The following SSBP4 variants were observed in gnomAD, a reference collection of about 807,000 sequenced individuals.
The protein encoded by SSBP4 is single stranded DNA binding protein 4.
A neutral mutation model predicts 64.6 loss-of-function variants in SSBP4; 33 were observed. The observed-to-expected ratio is 0.51, with a 90% CI of 0.39 to 0.68. SSBP4 has a LOEUF of 0.68. Ranked by LOEUF, SSBP4 falls within the 30% of genes least tolerant of loss-of-function variation. The probability of loss-of-function intolerance (pLI) is 0.00; values close to 1 mark genes in which losing one functional copy is unlikely to be tolerated. For missense variants in SSBP4, 583 were observed against 566.8 expected (o/e 1.03, Z -0.29); for synonymous variants, 243 against 224.0 (o/e 1.08, Z -0.76).
At position 18,426,013 on chromosome 19, in the gene SSBP4, G is replaced by C. The variant is rs1440721468; in HGVS notation, c.60-1338G>C. ...CTTCATGGATGCTGGAGGAACTAAT[G>C]AAGAAGTGAATGAACGAAGGAGGGG... is the stretch of plus-strand genomic sequence containing the variant. On this transcript the variant is annotated intron_variant, in intron 1 of 17. Coordinates refer to ENST00000270061, the MANE Select transcript of SSBP4 (RefSeq NM_032627.5). This position sits in a 1 kb window ranked among gnomAD's most constrained non-coding sequence, Gnocchi z 4.5. 3.3e-5 allele frequency: 5 copies of C among 152,436 alleles called. No homozygotes were observed. Among genetic ancestry groups the C allele is most frequent in the Non-Finnish European group, 5.9e-5 (4 of 68,166 alleles). 9.4% of individuals were successfully genotyped at this position (152,436 alleles called of 1,614,324 possible). A position where few individuals can be genotyped will look rare whatever the true frequency, so the allele number is the denominator to read the frequency against.
intron 17 of SSBP4, 156 bp downstream of exon 17, chr19:18,433,973 TCTCCCCA>T: frequency 2.6e-6 from 3 of 1,161,682 alleles, no homozygotes; most frequent in Non-Finnish European, 3.2e-6. Context: ...CTCCTCAACC[TCTCCCCA>T]CCCCCCACCA....
intron 5 of SSBP4, among the ~76,000 whole-genome samples, 163 bp downstream of exon 5, chr19:18,431,093 A>G (rs899153686): frequency 1.3e-5 from 2 of 152,186 alleles, no homozygotes; most frequent in African/African-American, 2.4e-5. Context: ...TTCAGGGGCC[A>G]GCGAGGGAGG....
intron 1 of SSBP4, among the ~76,000 whole-genome samples, chr19:18,420,508 G>T (rs574931765): frequency 2.6e-5 from 4 of 152,086 alleles, no homozygotes; most frequent in Non-Finnish European, 5.9e-5. Flanking sequence ...CATTTGAAAG[G>T]TGCTTGGAGC....
Position 18,427,629 on chromosome 19 carries a change from C to T in SSBP4, c.133-123C>T. The stretch of plus-strand genomic sequence containing the variant: ...GACCTGCCACACATCCTGGGGCCCT[C>T]TGCCCACCCTGTTACCCTTCCCTCC... On this transcript the variant is annotated intron_variant, in intron 2 of 17. Transcript: ENST00000270061. This position sits in a 1 kb window ranked among gnomAD's most constrained non-coding sequence, Gnocchi z 4.4. The T allele has an allele frequency of 7.8e-7, 1 of 1,276,382 alleles. No individual in the cohort carries two copies. The highest frequency in any genetic ancestry group is 1.1e-6 in the Non-Finnish European group (1 of 938,656). The allele number at this position is 1,276,382 out of a possible 1,614,324, so 79.1% of individuals were successfully genotyped here.
intron 13 of SSBP4, 22 bp downstream of exon 13, chr19:18,432,905 G>T: frequency 1.2e-6 from 2 of 1,614,032 alleles, no homozygotes; most frequent in Non-Finnish European, 1.7e-6. Context: ...TAAGAGGTGG[G>T]GGTGTGCTAG....
the SSBP4 span, among the ~76,000 whole-genome samples, chr19:18,411,597 G>A: frequency 6.6e-6 from 1 of 152,172 alleles, no homozygotes; most frequent in Non-Finnish European, 1.5e-5. Flanking sequence ...GAAGCCTGAA[G>A]GATGAAGAGA....
rs751185652 is a variant in SSBP4 at position 18,430,814 on chromosome 19, C to T, written c.280-27C>T. ...GAAGTGTCCAGGTGTCCTGACCTGG[C>T]CCTCTGGGTTTCCCGCACCCTTACA... is the stretch of plus-strand genomic sequence containing the variant. On this transcript the variant is annotated intron_variant, in intron 4 of 17. Coordinates refer to ENST00000270061, the MANE Select transcript of SSBP4 (RefSeq NM_032627.5). The T allele has an allele frequency of 8.2e-6, 13 of 1,593,962 alleles. No individual in the cohort carries two copies. In the East Asian group the frequency reaches 2.3e-4, roughly 28 times the overall value.
chr19:18,419,751 C>T (rs1972296774), intron 1 of SSBP4, 44 bp downstream of exon 1: 3 of 1,117,010 alleles, frequency 2.7e-6, no homozygotes, highest in African/African-American at 3.3e-5. Context: ...CGCGCTCTTC[C>T]GTGGGCTCCG....
intron 5 of SSBP4, 93 bp downstream of exon 5, chr19:18,431,023 C>T: frequency 7.0e-7 from 1 of 1,438,542 alleles, no homozygotes; most frequent in Non-Finnish European, 9.5e-7. Context: ...GGTCATGAGG[C>T]CGGCAGGCTG....
chr19:18,405,197 G>A, the SSBP4 span, among the ~76,000 whole-genome samples: 2 of 152,164 alleles, frequency 1.3e-5, no homozygotes. Flanking sequence ...AACCATGGAT[G>A]CCTGGCCCTG....
chr19:18,433,602 G>C lies in SSBP4; in HGVS notation c.1009G>C (p.Gly337Arg), dbSNP rs1271308676. 6.5e-7 allele frequency: 1 copy of C among 1,529,888 alleles called. No homozygotes were observed. Among genetic ancestry groups the C allele is most frequent in the Admixed American group, 2.0e-5 (1 of 49,458 alleles). The allele number at this position is 1,529,888 out of a possible 1,614,324, so 94.8% of individuals were successfully genotyped here. A position where few individuals can be genotyped will look rare whatever the true frequency, so the allele number is the denominator to read the frequency against. Residue 337 changes from glycine to arginine, a missense_variant, in exon 16 of 18, where the codon GGG becomes CGG. Gly to Arg is a moderately radical substitution (Grantham distance 125). Around this residue, in one of 5 missense-constraint regions of SSBP4, gnomAD observed 444 missense variants for 386.6 expected, o/e 1.15. Coordinates refer to ENST00000270061, the MANE Select transcript of SSBP4 (RefSeq NM_032627.5). ...NGSLGSGDMD[G>R]LPKSSPGAVA... is the part of the protein sequence containing the mutation. The stretch of plus-strand genomic sequence containing the variant: ...GTCTGTAGGCTCGGGCGACATGGAC[G>C]GGTTGCCGAAGGTAAGGAGGCTGCG...
Position 18,427,681 on chromosome 19 carries a change from C to T in SSBP4, c.133-71C>T, listed in dbSNP as rs1250525071. Reference sequence around the variant, plus strand: ...CACTCCCTCCCTGCCCAGATGTTCTCTGGGCACCCTGCTGGGTGGTGGGGC... The same window carrying T: ...CACTCCCTCCCTGCCCAGATGTTCTTTGGGCACCCTGCTGGGTGGTGGGGC... On this transcript the variant is annotated intron_variant, in intron 2 of 17. Transcript: ENST00000270061. This position sits in a 1 kb window ranked among gnomAD's most constrained non-coding sequence, Gnocchi z 4.4. The T allele has an allele frequency of 2.6e-6, 4 of 1,509,456 alleles. No individual in the cohort carries two copies. The highest frequency in any genetic ancestry group is 3.6e-6 in the Non-Finnish European group (4 of 1,119,628). The allele number at this position is 1,509,456 out of a possible 1,614,324, so 93.5% of individuals were successfully genotyped here. A position where few individuals can be genotyped will look rare whatever the true frequency, so the allele number is the denominator to read the frequency against.
At chr19:18,422,509 A>G (rs529810398) in intron 1 of SSBP4, among the ~76,000 whole-genome samples, 37 of 152,326 alleles carry the variant, frequency 2.4e-4, no homozygotes, top group Non-Finnish European at 4.0e-4. Flanking sequence ...AAGCCTGGAA[A>G]ACGCCAGATG....
At chr19:18,421,614 A>G (rs1972471927) in intron 1 of SSBP4, among the ~76,000 whole-genome samples, 1 of 152,230 alleles carries the variant, frequency 6.6e-6, no homozygotes, top group Non-Finnish European at 1.5e-5. Context: ...AGCAAAGTGG[A>G]TGATAGATAG....
intron 12 of SSBP4, 21 bp from the exon 13 acceptor site, chr19:18,432,808 G>A: frequency 6.2e-7 from 1 of 1,613,946 alleles, no homozygotes; most frequent in Non-Finnish European, 8.5e-7. Context: ...ATTTCTCACG[G>A]TTCCTGTCTC....
At chr19:18,414,058 G>C (rs1179921774), upstream of SSBP4, among the ~76,000 whole-genome samples, 1 of 152,184 alleles carries the variant, frequency 6.6e-6, no homozygotes, top group African/African-American at 2.4e-5. Context: ...CCCTCGGCCA[G>C]AGAAAGCTAC....
intron 4 of SSBP4, among the ~76,000 whole-genome samples, chr19:18,430,384 G>GGGGATGGGGACCCCACCC (rs1973257699): frequency 6.6e-6 from 1 of 152,182 alleles, no homozygotes. Flanking sequence ...AGAGAGGCTG[G>GGGGATGGGGACCCCACCC]GGGATGGGGA....
chr19:18,426,398 ACT>A lies in SSBP4; in HGVS notation c.60-949_60-948del, dbSNP rs1335435380. Among the ~76,000 whole-genome samples the A allele has an allele frequency of 1.3e-5, 2 of 151,814 alleles. No individual in the cohort carries two copies. Among genetic ancestry groups the A allele is most frequent in the Admixed American group, 6.6e-5 (1 of 15,242 alleles). On this transcript the variant is annotated intron_variant, in intron 1 of 17. Coordinates refer to ENST00000270061, the MANE Select transcript of SSBP4 (RefSeq NM_032627.5). The surrounding 1 kb of genome is among the most constrained non-coding windows in gnomAD (Gnocchi z 4.5). Reference sequence around the variant, plus strand: ...CTAAGAGTCCCCCAACCCCCAGCAGACTCTCGTGGTCCCTAGCTGGACAGTAC... The same window carrying A: ...CTAAGAGTCCCCCAACCCCCAGCAGACTCGTGGTCCCTAGCTGGACAGTAC...
intron 17 of SSBP4, 139 bp from the exon 18 acceptor site, chr19:18,434,078 C>A: frequency 1.5e-6 from 2 of 1,359,926 alleles, no homozygotes; most frequent in South Asian, 1.8e-5. Flanking sequence ...CATCGCCCCT[C>A]CCCCGTTCCC....
Sources: allele counts gnomAD v4.1 joint callset (sites outside exome capture counted in the v4.1 genomes callset), GRCh38; gene constraint gnomAD v4.1.1; regional missense constraint gnomAD v4.1.1; non-coding constraint Gnocchi (gnomAD v3.1); transcripts MANE v1.5; gene names NCBI Gene and HGNC (gene_info 2026-07-23, HGNC 2026-07-21).